Variants in OSBPL2 observed in about 807,000 individuals in gnomAD.
OSBPL2 encodes oxysterol-binding protein-related protein 2.
Under a neutral mutation model 58.4 loss-of-function variants are expected in OSBPL2, and 18 were observed. The observed-to-expected ratio is 0.31, with a 90% CI of 0.21 to 0.46. The LOEUF (loss-of-function observed/expected upper bound fraction) is 0.46, where lower values mean the gene tolerates loss of function less well. Among genes scored for constraint, OSBPL2 ranks in the 20% least tolerant of loss-of-function variants. The pLI is 1.00. For missense variants in OSBPL2, 461 were observed against 616.5 expected, an observed-to-expected ratio of 0.75 and a Z score of 2.67; for synonymous variants, 221 against 234.1, an observed-to-expected ratio of 0.94 and a Z score of 0.51.
At chr20:62,244,255 G>A (rs914693024) in intron 1 of OSBPL2, among the ~76,000 whole-genome samples, 7 of 152,236 alleles carry the variant, frequency 4.6e-5, no homozygotes, top group Non-Finnish European at 1.0e-4. Context: ...TCCGCCTGCT[G>A]TGGCCCTTGC....
chr20:62,290,734 G>GT (rs1356751110), intron 12 of OSBPL2, among the ~76,000 whole-genome samples: 122 of 133,322 alleles, frequency 9.2e-4, no homozygotes, highest in African/African-American at 3.0e-3. Flanking sequence ...TTTTTTTTTT[G>GT]TTTTTTTTGT....
At chr20:62,293,214 T>A (rs1983643019) in intron 13 of OSBPL2, among the ~76,000 whole-genome samples, 1 of 151,824 alleles carries the variant, frequency 6.6e-6, no homozygotes, top group African/African-American at 2.4e-5. Context: ...AAAATAATGA[T>A]CTTTTGTCCT....
intron 4 of OSBPL2, among the ~76,000 whole-genome samples, chr20:62,266,991 A>C (rs1981711883): frequency 6.6e-6 from 1 of 152,206 alleles, no homozygotes; most frequent in African/African-American, 2.4e-5. Flanking sequence ...GCGACGGCTC[A>C]CGCCTATAAT....
intron 2 of OSBPL2, chr20:62,258,833 G>C (rs1042884139): frequency 6.6e-6 from 1 of 152,264 alleles, no homozygotes; most frequent in African/African-American, 2.4e-5. Context: ...AGAAGTTAGA[G>C]ATGTTGATTT....
chr20:62,239,107 G>C (rs567812528), intron 1 of OSBPL2: 1 of 152,288 alleles, frequency 6.6e-6, no homozygotes, highest in South Asian at 2.1e-4. Flanking sequence ...GCAGGGAGAC[G>C]CAGTCCCACT....
chr20:62,263,041 G>T (rs1198986562), intron 3 of OSBPL2, among the ~76,000 whole-genome samples: 1 of 152,194 alleles, frequency 6.6e-6, no homozygotes, highest in Admixed American at 6.5e-5. Context: ...GGAGACCAGG[G>T]CCCCGGGTCA....
At position 62,279,280 on chromosome 20, in the gene OSBPL2, G is replaced by C; in HGVS notation, c.615G>C (p.Lys205Asn). ...ATGGCTCCATCTACCCCAAGCTCAA[G>C]TTCTGGGGCAAAAGCGTGGAGGCGG... ...LFHGSIYPKL[K>N]FWGKSVEAEP... Residue 205 changes from lysine to asparagine, a missense_variant, in exon 7 of 14, where the codon AAG becomes AAC. Physicochemically the swap from Lys to Asn is moderately conservative, Grantham distance 94. Coordinates refer to ENST00000313733, the MANE Select transcript of OSBPL2 (RefSeq NM_144498.4). 2 of 1,614,238 alleles carry C rather than the reference G, an allele frequency of 1.2e-6. No individual in the cohort carries two copies. Among genetic ancestry groups the C allele is most frequent in the Non-Finnish European group, 1.7e-6 (2 of 1,180,048 alleles).
intron 12 of OSBPL2, among the ~76,000 whole-genome samples, chr20:62,290,730 T>G (rs574218978): frequency 7.5e-5 from 11 of 146,878 alleles, no homozygotes; most frequent in South Asian, 2.1e-4. Context: ...AGGTTTTTTT[T>G]TTTGTTTTTT....
chr20:62,243,886 G>T (rs1979912380), intron 1 of OSBPL2, among the ~76,000 whole-genome samples: 1 of 151,950 alleles, frequency 6.6e-6, no homozygotes, highest in East Asian at 1.9e-4. Flanking sequence ...AGGGTAGGGG[G>T]GTTAGAGATT....
chr20:62,281,761 G>A, intron 8 of OSBPL2, 29 bp from the exon 9 acceptor site: 1 of 1,538,558 alleles, frequency 6.5e-7, no homozygotes, highest in Non-Finnish European at 9.0e-7. Context: ...CTGTCTTGCA[G>A]CAGAAACCTG....
At chr20:62,267,138 G>A (rs539600639) in intron 4 of OSBPL2, among the ~76,000 whole-genome samples, 6 of 152,292 alleles carry the variant, frequency 3.9e-5, no homozygotes, top group South Asian at 4.1e-4. Flanking sequence ...CCAGCTACTC[G>A]GGTGGCTGAT....
chr20:62,274,511 G>A (rs1417545219), intron 6 of OSBPL2, among the ~76,000 whole-genome samples: 1 of 152,220 alleles, frequency 6.6e-6, no homozygotes, highest in African/African-American at 2.4e-5. Flanking sequence ...CAGTTCAGCT[G>A]CTGTCTCTGT....
At chr20:62,276,010 G>A (rs1279190590) in intron 6 of OSBPL2, among the ~76,000 whole-genome samples, 1 of 151,282 alleles carries the variant, frequency 6.6e-6, no homozygotes, top group African/African-American at 2.4e-5. Flanking sequence ...GCTGGTTCAA[G>A]CAATTCTCCT....
intron 1 of OSBPL2, among the ~76,000 whole-genome samples, chr20:62,246,340 C>T (rs1195219795): frequency 6.6e-6 from 1 of 152,234 alleles, no homozygotes; most frequent in Admixed American, 6.5e-5. Flanking sequence ...CTTGTAGCCA[C>T]CTGTGGCCCA....
intron 6 of OSBPL2, among the ~76,000 whole-genome samples, chr20:62,275,422 G>A (rs1468016549): frequency 6.7e-6 from 1 of 149,212 alleles, no homozygotes; most frequent in Non-Finnish European, 1.5e-5. Context: ...TTTTTGAGAC[G>A]AGGTCTCACT....
In OSBPL2 at chr20:62,264,043, T is replaced by C. The variant is rs571843829; in HGVS notation, c.258+352T>C. Reference sequence around the variant, plus strand: ...TCGTGCCATTGCACTCCAGGCTGGGTGACAAGAGTGAGATTCCATCTCAAA... The same window carrying C: ...TCGTGCCATTGCACTCCAGGCTGGGCGACAAGAGTGAGATTCCATCTCAAA... On this transcript the variant is annotated intron_variant, in intron 4 of 13. Transcript: ENST00000313733. Among the ~76,000 whole-genome samples, 4 of 130,058 alleles carry C rather than the reference T, an allele frequency of 3.1e-5. No individual in the cohort carries two copies. The South Asian group carries it at 7.3e-4, about 24-fold the overall frequency. 85.3% of individuals were successfully genotyped at this position (130,058 alleles called of 152,430 possible).
chr20:62,272,993 T>A (rs1209153994), intron 5 of OSBPL2, among the ~76,000 whole-genome samples: 1 of 152,180 alleles, frequency 6.6e-6, no homozygotes, highest in African/African-American at 2.4e-5. Flanking sequence ...GGTGTGTGTG[T>A]TGAGTGTGTG....
chr20:62,265,574 C>T (rs1981609302), intron 4 of OSBPL2, among the ~76,000 whole-genome samples: 1 of 152,200 alleles, frequency 6.6e-6, no homozygotes, highest in African/African-American at 2.4e-5. Flanking sequence ...GCTGAGGTAT[C>T]ATTGCCTGCA....
rs117961674 is a variant in OSBPL2 at position 62,294,677 on chromosome 20, A to C, written c.*790A>C. On this transcript the variant is annotated 3_prime_UTR_variant, in exon 14 of 14. Coordinates refer to ENST00000313733, the MANE Select transcript of OSBPL2 (RefSeq NM_144498.4). ...GCGATTCGCTGCCCTGTTGTCAGTG[A>C]GGCCTGGCTGTCACCGCACACCGCG... The C allele has an allele frequency of 1.6e-4, 25 of 152,284 alleles. No homozygotes were observed. Among genetic ancestry groups the C allele is most frequent in the African/African-American group, 5.5e-4 (23 of 41,448 alleles). The allele number at this position is 152,284 out of a possible 1,614,324, so 9.4% of individuals were successfully genotyped here.
Sources: gnomAD v4.1 joint callset for allele counts (sites outside exome capture counted in the v4.1 genomes callset) on GRCh38, gnomAD v4.1.1 for gene constraint, MANE v1.5 for transcripts, NCBI Gene and HGNC (gene_info 2026-07-23, HGNC 2026-07-21) for gene names.